CEP162: variants seen among roughly 807,000 people sequenced by gnomAD.
The protein encoded by CEP162 is centrosomal protein 162.
A neutral mutation model predicts 169.2 loss-of-function variants in CEP162; 141 were observed. That is an observed-to-expected ratio of 0.83 (90% confidence interval 0.73 to 0.96). CEP162 has a LOEUF of 0.96. Among genes scored for constraint, CEP162 ranks in the 40% least tolerant of loss-of-function variants. The pLI, the probability that CEP162 is intolerant of heterozygous loss-of-function variation, is 0.00. For missense variants in CEP162, 1,600 were observed against 1,587.2 expected (o/e 1.01, Z -0.14); for synonymous variants, 540 against 526.4 (o/e 1.03, Z -0.35).
intron 13 of CEP162, among the ~76,000 whole-genome samples, chr6:84,181,039 T>C (rs1175137795): frequency 2.6e-5 from 4 of 152,214 alleles, no homozygotes; most frequent in Non-Finnish European, 5.9e-5. Context: ...AGAGCCCATA[T>C]AGCCAAGACA....
intron 25 of CEP162, among the ~76,000 whole-genome samples, chr6:84,138,482 C>T (rs2099515090): frequency 6.6e-6 from 1 of 152,150 alleles, no homozygotes; most frequent in African/African-American, 2.4e-5. Flanking sequence ...AGTCCTCAAA[C>T]TAGTCTTGTC....
At chr6:84,156,677 A>G (rs943907436) in intron 21 of CEP162, among the ~76,000 whole-genome samples, 1 of 152,024 alleles carries the variant, frequency 6.6e-6, no homozygotes, top group African/African-American at 2.4e-5. Flanking sequence ...TAAGACCTAA[A>G]AAGAGAACCA....
Position 84,186,598 on chromosome 6 carries a change from C to T in CEP162, c.1135G>A (p.Glu379Lys), listed in dbSNP as rs202045843. 1 of 1,470,486 alleles carries T rather than the reference C, an allele frequency of 6.8e-7. No individual in the cohort carries two copies. The highest frequency in any genetic ancestry group is 9.2e-7 in the Non-Finnish European group (1 of 1,081,666). The allele number at this position is 1,470,486 out of a possible 1,614,324, so 91.1% of individuals were successfully genotyped here. ...GGTAAAGAGCTAAAAAATTCAGTTTCTTTTCTTTCGGCCACTTTCTCAGAG... is the reference window on the plus strand; with the variant it reads ...GGTAAAGAGCTAAAAAATTCAGTTTTTTTTCTTTCGGCCACTTTCTCAGAG... ...VSSEKVAERK[E>K]TEFFSSLPLK... Residue 379 changes from glutamate (E) to lysine (K), a missense_variant, in exon 12 of 27, where the codon GAA (glutamate) becomes AAA (lysine). Transcript: ENST00000403245.
At position 84,152,608 on chromosome 6, in the gene CEP162, T is replaced by C; in HGVS notation, c.3566A>G (p.Glu1189Gly). The C allele has an allele frequency of 3.2e-6, 5 of 1,561,760 alleles. No individual in the cohort carries two copies. The change falls in exon 23 of 27, where the codon GAG becomes GGG. Residue 1189 changes from glutamate (E) to glycine (G), a missense_variant. Coordinates refer to ENST00000403245, the MANE Select transcript of CEP162 (RefSeq NM_014895.4). ...AGATTTCATCTTCAGTTCATTCTTC[T>C]CTGAAATTAATCCTTCTAGCTCATT... ...LKNELEGLISEKNELKMKSEA... is the reference protein window; with the variant it reads ...LKNELEGLISGKNELKMKSEA...
At chr6:84,202,518 CTTTTTTTTTTTT>C (rs70987776) in intron 7 of CEP162, among the ~76,000 whole-genome samples, 4,649 of 90,808 alleles carry the variant, frequency 0.051, 125 homozygotes, top group South Asian at 0.1. Flanking sequence ...TTCTTTCTTT[CTTTTTTTTTTTT>C]TTTTTTTTTT....
chr6:84,167,707 A>G (rs957288518), intron 18 of CEP162, among the ~76,000 whole-genome samples: 16 of 152,188 alleles, frequency 1.1e-4, no homozygotes, highest in African/African-American at 3.4e-4. Flanking sequence ...AGGTAGTGTC[A>G]ATTCAAATAC....
rs2099531604 is a variant in CEP162, at chr6:84,174,607, C to G, written c.2025+120G>C. 1.7e-5 allele frequency: 10 copies of G among 597,636 alleles called. No individual in the cohort carries two copies. In the South Asian group the frequency reaches 2.4e-4, roughly 14 times the overall value. The allele number at this position is 597,636 out of a possible 1,614,324, so 37.0% of individuals were successfully genotyped here. On this transcript the variant is annotated intron_variant, in intron 15 of 26. Transcript: ENST00000403245. ...TCTTGGAACCATTCTATATTTTATA[C>G]AGCAAATACATCAAGTCAAACATCT...
At position 84,183,134 on chromosome 6, in the gene CEP162, C is replaced by A. The variant is rs1450138937; in HGVS notation, c.1663+2053G>T. On this transcript the variant is annotated intron_variant, in intron 13 of 26. Coordinates refer to ENST00000403245, the MANE Select transcript of CEP162 (RefSeq NM_014895.4). Reference sequence around the variant, plus strand: ...ATTTATGGTCCATCATTATACTTTACTATAAATTTTAATAATGTGTTTTTT... The same window carrying A: ...ATTTATGGTCCATCATTATACTTTAATATAAATTTTAATAATGTGTTTTTT... Among the ~76,000 whole-genome samples the A allele has an allele frequency of 2.0e-5, 3 of 151,976 alleles. No individual in the cohort carries two copies. In the East Asian group the frequency reaches 5.8e-4, roughly 29 times the overall value.
chr6:84,207,025 C>G (rs2099547441), intron 6 of CEP162, among the ~76,000 whole-genome samples: 1 of 152,132 alleles, frequency 6.6e-6, no homozygotes. Context: ...AATGAGATAC[C>G]ATCTCACACC....
At chr6:84,145,711 A>ATAAT (rs1179662111) in intron 25 of CEP162, among the ~76,000 whole-genome samples, 1 of 152,120 alleles carries the variant, frequency 6.6e-6, no homozygotes, top group Non-Finnish European at 1.5e-5. Context: ...TGAAATCTTA[A>ATAAT]TAAGCTGAAG....
chr6:84,208,149 G>T (rs1380354362), intron 6 of CEP162, among the ~76,000 whole-genome samples: 1 of 150,626 alleles, frequency 6.6e-6, no homozygotes, highest in East Asian at 2.0e-4. Flanking sequence ...TCCCAATCCT[G>T]AGTGCTTCTT....
intron 11 of CEP162, among the ~76,000 whole-genome samples, chr6:84,190,377 C>T (rs913416936): frequency 1.3e-5 from 2 of 152,168 alleles, no homozygotes; most frequent in African/African-American, 4.8e-5. Flanking sequence ...AGAATAAAAG[C>T]AGGCTGCCCG....
At chr6:84,135,160 GCTAATA>G (rs1407489698) in intron 25 of CEP162, among the ~76,000 whole-genome samples, 1 of 152,150 alleles carries the variant, frequency 6.6e-6, no homozygotes, top group East Asian at 1.9e-4. Context: ...CCTTCTAATT[GCTAATA>G]CTAATTATTA....
chr6:84,154,379 C>CTATCTATCTATCTATCTATCTAT (rs1562020180), intron 22 of CEP162, among the ~76,000 whole-genome samples: 17 of 124,788 alleles, frequency 1.4e-4, no homozygotes, highest in African/African-American at 5.5e-4. Flanking sequence ...TATCTATCTA[C>CTATCTATCTATCTATCTATCTAT]CTATCTATCT....
At chr6:84,215,125 A>G (rs929988383) in intron 5 of CEP162, among the ~76,000 whole-genome samples, 157 bp downstream of exon 5, 1 of 152,246 alleles carries the variant, frequency 6.6e-6, no homozygotes, top group Non-Finnish European at 1.5e-5. Context: ...CTCACACATA[A>G]GAAAAACCCT....
chr6:84,156,909 A>C (rs1313804003), intron 21 of CEP162, among the ~76,000 whole-genome samples: 1 of 152,124 alleles, frequency 6.6e-6, no homozygotes. Context: ...GGAGCTAAAC[A>C]ATGTACACAC....
intron 25 of CEP162, among the ~76,000 whole-genome samples, chr6:84,128,137 A>G (rs1465381618): frequency 1.3e-5 from 2 of 152,184 alleles, no homozygotes; most frequent in African/African-American, 4.8e-5. Flanking sequence ...GTGTTTAACA[A>G]TTATTCATGA....
chr6:84,141,676 G>A (rs1013053352), intron 25 of CEP162, among the ~76,000 whole-genome samples: 1 of 152,112 alleles, frequency 6.6e-6, no homozygotes, highest in Admixed American at 6.6e-5. Flanking sequence ...ATCCAGGGCC[G>A]GGGTGTATAG....
At chr6:84,130,967 T>C (rs551973619) in intron 25 of CEP162, among the ~76,000 whole-genome samples, 2 of 152,348 alleles carry the variant, frequency 1.3e-5, no homozygotes, top group African/African-American at 4.8e-5. Flanking sequence ...ATTTTAGATC[T>C]TTCCTGCTTT....
Sources: gnomAD v4.1 joint callset for allele counts (sites outside exome capture counted in the v4.1 genomes callset) on GRCh38, gnomAD v4.1.1 for gene constraint, MANE v1.5 for transcripts, NCBI Gene and HGNC (gene_info 2026-07-23, HGNC 2026-07-21) for gene names.